The following SETD7 variants were observed in gnomAD, a reference collection of about 807,000 sequenced individuals.
The protein encoded by SETD7 is histone-lysine N-methyltransferase SETD7.
SETD7 carries 16 observed loss-of-function variants against 41.8 expected under a neutral mutation model. The ratio of observed to expected loss-of-function variants is 0.38; its 90% confidence interval spans 0.26 to 0.58. The LOEUF (loss-of-function observed/expected upper bound fraction) is 0.58, where lower values mean the gene tolerates loss of function less well. SETD7 is among the 20% of genes least tolerant of loss of function. SETD7 has a pLI of 0.64. For synonymous variants in SETD7, 163 were observed against 169.7 expected, an observed-to-expected ratio of 0.96 and a Z score of 0.31; for missense variants, 346 against 459.7, an observed-to-expected ratio of 0.75 and a Z score of 2.26.
intron 4 of SETD7, among the ~76,000 whole-genome samples, chr4:139,525,962 A>G (rs1487669027): frequency 6.6e-6 from 1 of 152,176 alleles, no homozygotes; most frequent in Admixed American, 6.5e-5. Flanking sequence ...TCTTGCCAAT[A>G]AATCCCCCCT....
At chr4:139,532,989 A>G (rs528780839) in intron 3 of SETD7, 176 bp downstream of exon 3, 2 of 614,090 alleles carry the variant, frequency 3.3e-6, no homozygotes, top group Non-Finnish European at 5.8e-6. Flanking sequence ...AGGGCCAACA[A>G]TCTAAGCCAA....
chr4:139,552,959 G>A (rs1262089100), intron 1 of SETD7, among the ~76,000 whole-genome samples: 1 of 152,176 alleles, frequency 6.6e-6, no homozygotes, highest in Non-Finnish European at 1.5e-5. Flanking sequence ...GATGCCCAGG[G>A]GAATAACACT....
intron 7 of SETD7, among the ~76,000 whole-genome samples, chr4:139,513,397 A>G (rs1392721313): frequency 6.7e-6 from 1 of 150,064 alleles, no homozygotes; most frequent in East Asian, 2.0e-4. Flanking sequence ...TCCAGCCTGG[A>G]TGACAGAGTG....
At position 139,555,944 on chromosome 4, in the gene SETD7, C is replaced by G. The variant is rs1426271195; in HGVS notation, c.40+154G>C. Among the ~76,000 whole-genome samples, 1 of 151,924 alleles carries G rather than the reference C, an allele frequency of 6.6e-6. No homozygotes were observed. The highest frequency in any genetic ancestry group is 2.4e-5 in the African/African-American group (1 of 41,416). On this transcript the variant is annotated intron_variant, in intron 1 of 7. Coordinates refer to ENST00000274031, the MANE Select transcript of SETD7 (RefSeq NM_030648.4). This position sits in a 1 kb window ranked among gnomAD's most constrained non-coding sequence, Gnocchi z 4.0. Reference sequence around the variant, plus strand: ...CGCGCTCCCGGCGGCGTGACCGTGGCTGTCGGGCCCCCGCCCGAGCCGGGC... The same window carrying G: ...CGCGCTCCCGGCGGCGTGACCGTGGGTGTCGGGCCCCCGCCCGAGCCGGGC...
chr4:139,540,363 CTATGGCTG>C (rs771521402), intron 2 of SETD7, among the ~76,000 whole-genome samples: 117 of 152,312 alleles, frequency 7.7e-4, no homozygotes, highest in Non-Finnish European at 1.4e-3. Context: ...CATTTCACAA[CTATGGCTG>C]ATGAGTAACT....
chr4:139,522,741 CTTTTTTTT>C (rs11357611), intron 5 of SETD7, among the ~76,000 whole-genome samples: 10 of 93,432 alleles, frequency 1.1e-4, no homozygotes, highest in South Asian at 4.4e-4. Context: ...CCCAGCTGCT[CTTTTTTTT>C]TTTTTTTTTT....
At chr4:139,539,327 A>G (rs1468248476) in intron 2 of SETD7, among the ~76,000 whole-genome samples, 1 of 152,220 alleles carries the variant, frequency 6.6e-6, no homozygotes, top group African/African-American at 2.4e-5. Flanking sequence ...TTTAGGAATT[A>G]TTTTATATGA....
At chr4:139,525,192 T>C (rs1038184180) in intron 4 of SETD7, among the ~76,000 whole-genome samples, 1 of 152,212 alleles carries the variant, frequency 6.6e-6, no homozygotes, top group African/African-American at 2.4e-5. Context: ...ATGAATTCCA[T>C]CTAGCTCCTT....
intron 1 of SETD7, among the ~76,000 whole-genome samples, chr4:139,549,515 C>G (rs1173130724): frequency 3.3e-5 from 5 of 151,188 alleles, no homozygotes; most frequent in Non-Finnish European, 7.4e-5. Flanking sequence ...AAGAATTATT[C>G]CTTCCTTCCT....
chr4:139,546,862 T>G, intron 2 of SETD7, 58 bp downstream of exon 2: 1 of 1,609,160 alleles, frequency 6.2e-7, no homozygotes, highest in Non-Finnish European at 8.5e-7. Context: ...TTTGTATTAG[T>G]CCTTAACATA....
chr4:139,541,167 C>T (rs955145074), intron 2 of SETD7, among the ~76,000 whole-genome samples: 1 of 152,130 alleles, frequency 6.6e-6, no homozygotes, highest in African/African-American at 2.4e-5. Context: ...GAATGAATGA[C>T]CTCATCTCCA....
intron 3 of SETD7, 73 bp from the exon 4 acceptor site, chr4:139,529,293 C>A: frequency 2.5e-6 from 3 of 1,214,202 alleles, no homozygotes; most frequent in South Asian, 3.0e-5. Context: ...AGAAATTTCT[C>A]TTCTGCAGTC....
chr4:139,506,048 T>C lies in SETD7; in HGVS notation c.*5615A>G, dbSNP rs979526827. 1 of 152,686 alleles carries C rather than the reference T, an allele frequency of 6.5e-6. No individual in the cohort carries two copies. The highest frequency in any genetic ancestry group is 1.5e-5 in the Non-Finnish European group (1 of 68,042). 9.5% of individuals were successfully genotyped at this position (152,686 alleles called of 1,614,324 possible). A position where few individuals can be genotyped will look rare whatever the true frequency, so the allele number is the denominator to read the frequency against. On this transcript the variant is annotated 3_prime_UTR_variant, in exon 8 of 8. Transcript: ENST00000274031. ...GAAGACAATGACAGATGATTGTATATTTTGTTTAATACTTGCATTGTTTCT... is the reference window on the plus strand; with the variant it reads ...GAAGACAATGACAGATGATTGTATACTTTGTTTAATACTTGCATTGTTTCT...
intron 2 of SETD7, among the ~76,000 whole-genome samples, chr4:139,541,528 A>G (rs1727777917): frequency 6.6e-6 from 1 of 152,356 alleles, no homozygotes; most frequent in East Asian, 1.9e-4. Context: ...CAATTCCTTT[A>G]TCTCGGGACC....
intron 7 of SETD7, among the ~76,000 whole-genome samples, chr4:139,513,434 A>G (rs1726937798): frequency 1.3e-5 from 2 of 151,364 alleles, no homozygotes; most frequent in Admixed American, 1.3e-4. Flanking sequence ...AAAAAAAAAA[A>G]GAAAAAAAAG....
intron 2 of SETD7, among the ~76,000 whole-genome samples, chr4:139,542,420 T>C (rs989494067): frequency 6.6e-6 from 1 of 152,218 alleles, no homozygotes; most frequent in Non-Finnish European, 1.5e-5. Context: ...CAGAAAGAAA[T>C]GATGAATCTT....
At chr4:139,553,216 G>A (rs546182027) in intron 1 of SETD7, among the ~76,000 whole-genome samples, 1 of 152,296 alleles carries the variant, frequency 6.6e-6, no homozygotes, top group Admixed American at 6.5e-5. Context: ...TACCCTGACA[G>A]AGAACCAAAT....
intron 2 of SETD7, among the ~76,000 whole-genome samples, chr4:139,537,220 C>G (rs1043394321): frequency 6.6e-6 from 1 of 152,198 alleles, no homozygotes; most frequent in Non-Finnish European, 1.5e-5. Context: ...AGTGATCTGC[C>G]CACCTCGGCC....
At chr4:139,494,427 C>T (rs144964016), downstream of SETD7, among the ~76,000 whole-genome samples, 745 of 152,246 alleles carry the variant, frequency 4.9e-3, 7 homozygotes, top group African/African-American at 0.016. Flanking sequence ...ACTAAACAGG[C>T]GCTGGGAGGA....
Sources: gnomAD v4.1 joint callset for allele counts (sites outside exome capture counted in the v4.1 genomes callset) on GRCh38, gnomAD v4.1.1 for gene constraint, Gnocchi (gnomAD v3.1) non-coding constraint, MANE v1.5 for transcripts, NCBI Gene and HGNC (gene_info 2026-07-23, HGNC 2026-07-21) for gene names.